The following SPATA13 variants were observed in gnomAD, a reference collection of about 807,000 sequenced individuals.
The protein encoded by SPATA13 is spermatogenesis associated 13.
SPATA13 carries 50 observed loss-of-function variants against 104.0 expected under a neutral mutation model. The observed-to-expected ratio is 0.48, with a 90% CI of 0.38 to 0.61. The LOEUF (loss-of-function observed/expected upper bound fraction) is 0.61. Ranked by LOEUF, SPATA13 falls within the 20% of genes least tolerant of loss-of-function variation. The probability of loss-of-function intolerance (pLI) is 0.00; values close to 1 mark genes in which losing one functional copy is unlikely to be tolerated. For synonymous variants in SPATA13, 606 were observed against 667.5 expected (o/e 0.91, Z 1.42); for missense variants, 1,524 against 1,690.6 (o/e 0.90, Z 1.73).
At chr13:24,022,653 T>G (rs9507214) in intron 3 of SPATA13, among the ~76,000 whole-genome samples, 120,649 of 152,108 alleles carry the variant, frequency 0.79, 48,575 homozygotes, top group Middle Eastern at 0.87. Flanking sequence ...AAGAATTTTT[T>G]GGGGCTAAAA....
chr13:24,233,895 AC>A (rs1872423689), intron 2 of SPATA13, among the ~76,000 whole-genome samples: 1 of 76,766 alleles, frequency 1.3e-5, no homozygotes. Context: ...AAACACACAC[AC>A]ACACACACAC....
rs1377009818 is a variant in SPATA13, at chr13:24,284,290, A to G, written c.2301+19A>G. ...CAATGAGGTACTGGAATTCCACACG[A>G]CAGTAGTGGATACGGGATACCTGAT... On this transcript the variant is annotated intron_variant, in intron 5 of 12. Coordinates refer to ENST00000382108, the MANE Select transcript of SPATA13 (RefSeq NM_001166271.3). The G allele has an allele frequency of 6.2e-7, 1 of 1,609,802 alleles. No homozygotes were observed. Among genetic ancestry groups the G allele is most frequent in the Admixed American group, 1.7e-5 (1 of 59,748 alleles).
chr13:24,237,293 G>A (rs190959274), intron 2 of SPATA13, among the ~76,000 whole-genome samples: 1 of 152,296 alleles, frequency 6.6e-6, no homozygotes, highest in East Asian at 1.9e-4. Flanking sequence ...AACCCAGGGG[G>A]TGGAGGTTGC....
intron 3 of SPATA13, among the ~76,000 whole-genome samples, chr13:24,055,532 T>C (rs1441955959): frequency 6.6e-6 from 1 of 152,196 alleles, no homozygotes; most frequent in African/African-American, 2.4e-5. Context: ...TTAGTAACCA[T>C]GCATTCACTG....
intron 7 of SPATA13, among the ~76,000 whole-genome samples, chr13:24,287,981 C>T (rs569342829): frequency 2.0e-5 from 3 of 152,210 alleles, no homozygotes; most frequent in South Asian, 2.1e-4. Context: ...GTTCTCTAAT[C>T]GGATTAGCCA....
intron 4 of SPATA13, chr13:24,270,909 T>C (rs1009408118): frequency 6.2e-7 from 1 of 1,608,326 alleles, no homozygotes; most frequent in East Asian, 2.2e-5. Flanking sequence ...AAGCCTTCAC[T>C]TGGGTATGTG....
chr13:24,198,404 C>T (rs1870209374), intron 1 of SPATA13, among the ~76,000 whole-genome samples: 1 of 152,154 alleles, frequency 6.6e-6, no homozygotes, highest in South Asian at 2.1e-4. Context: ...AGCAGCAAGC[C>T]TATTTCAGGT....
chr13:24,294,831 A>G lies in SPATA13; in HGVS notation c.3173A>G (p.Lys1058Arg), dbSNP rs762424477. ...ERKRKLESIDKIARWQVSIVG... is the reference protein window; with the variant it reads ...ERKRKLESIDRIARWQVSIVG... ...AAGCGCAAGCTGGAGAGCATCGACA[A>G]GATAGCTCGCTGGCAGGTGTCTATC... Residue 1058 changes from lysine (K) to arginine (R), a missense_variant, in exon 10 of 13, where the codon AAG (lysine) becomes AGG (arginine). By Grantham distance (26) the Lys-to-Arg change is conservative (BLOSUM62 2). This residue lies in a region of SPATA13 where 435 missense variants were observed against 554.8 expected (regional missense o/e 0.78). Transcript: ENST00000382108. 3.5e-5 allele frequency: 56 copies of G among 1,610,914 alleles called. No individual in the cohort carries two copies. In the Admixed American group the frequency reaches 8.3e-4, roughly 24 times the overall value.
chr13:24,070,167 A>G (rs1055841022), intron 3 of SPATA13, among the ~76,000 whole-genome samples: 1 of 152,248 alleles, frequency 6.6e-6, no homozygotes, highest in African/African-American at 2.4e-5. Context: ...AAACGGTTCC[A>G]GTGTCAGAGT....
chr13:24,288,436 T>A (rs755127405), intron 7 of SPATA13, among the ~76,000 whole-genome samples: 3 of 152,212 alleles, frequency 2.0e-5, no homozygotes, highest in Non-Finnish European at 2.9e-5. Flanking sequence ...TTTCTTCTTA[T>A]CCCACTAGCT....
chr13:24,287,638 G>C (rs561868152), intron 7 of SPATA13, among the ~76,000 whole-genome samples: 1 of 152,298 alleles, frequency 6.6e-6, no homozygotes, highest in African/African-American at 2.4e-5. Flanking sequence ...GAGATCCTGA[G>C]TCATTTAGAC....
rs867029652 is a variant in SPATA13, at chr13:24,249,526, G to A, written c.1703G>A (p.Arg568Lys). The change falls in exon 3 of 13, where the codon AGG becomes AAG. Residue 568 changes from arginine (R) to lysine (K), a missense_variant. This residue lies in a region of SPATA13 where 1,089 missense variants were observed against 1,135.9 expected (regional missense o/e 0.96). Coordinates refer to ENST00000382108, the MANE Select transcript of SPATA13 (RefSeq NM_001166271.3). ...CGAAGCTCATCACAGGATGAGGAAA[G>A]GACAGAGGCACAGAGAACCCCCAAG... is the stretch of plus-strand genomic sequence containing the variant. ...WRRSSSQDEE[R>K]TEAQRTPKRR... The A allele has an allele frequency of 6.2e-7, 1 of 1,607,946 alleles. No homozygotes were observed. The highest frequency in any genetic ancestry group is 8.5e-7 in the Non-Finnish European group (1 of 1,176,960).
chr13:24,249,439 T>G, intron 2 of SPATA13, 38 bp from the exon 3 acceptor site: 1 of 1,475,398 alleles, frequency 6.8e-7, no homozygotes, highest in Non-Finnish European at 9.0e-7. Context: ...AATACCTTCC[T>G]GGATATTGAG....
At chr13:24,119,072 A>AT (rs1019966284) in intron 3 of SPATA13, among the ~76,000 whole-genome samples, 6 of 151,450 alleles carry the variant, frequency 4.0e-5, no homozygotes, top group African/African-American at 4.9e-5. Flanking sequence ...CTCCCTGCTA[A>AT]TTTTTTTTGT....
At chr13:24,068,932 T>C (rs555555370) in intron 3 of SPATA13, among the ~76,000 whole-genome samples, 16 of 152,332 alleles carry the variant, frequency 1.1e-4, no homozygotes, top group African/African-American at 3.8e-4. Flanking sequence ...TGCATATTTG[T>C]GAATATTTTC....
At chr13:24,037,440 C>G (rs1877735201) in intron 3 of SPATA13, among the ~76,000 whole-genome samples, 3 of 152,002 alleles carry the variant, frequency 2.0e-5, no homozygotes, top group Admixed American at 2.0e-4. Context: ...TAGAGTCTCG[C>G]TCTGTTGCCC....
In SPATA13 at chr13:24,051,541, G is replaced by A. The variant is rs941466811; in HGVS notation, c.-112+33840G>A. On this transcript the variant is annotated intron_variant, in intron 3 of 14. Coordinates refer to the SPATA13 transcript ENST00000424834. The surrounding 1 kb of genome is among the most constrained non-coding windows in gnomAD (Gnocchi z 4.2). ...TAGGGGAGGAGATTATGCCCAGTGG[G>A]TGGTCCATAGAAGGAAGCCAGGGAG... Among the ~76,000 whole-genome samples the A allele has an allele frequency of 8.5e-5, 13 of 152,176 alleles. No individual in the cohort carries two copies. Among genetic ancestry groups the A allele is most frequent in the African/African-American group, 2.9e-4 (12 of 41,444 alleles).
At chr13:24,089,024 C>T (rs763468082) in intron 3 of SPATA13, among the ~76,000 whole-genome samples, 4 of 152,178 alleles carry the variant, frequency 2.6e-5, no homozygotes, top group Admixed American at 6.5e-5. Flanking sequence ...GGATGGGACA[C>T]GTTCACAGGT....
chr13:24,116,921 T>C (rs1191280724), intron 3 of SPATA13, among the ~76,000 whole-genome samples: 2 of 152,178 alleles, frequency 1.3e-5, no homozygotes, highest in Non-Finnish European at 2.9e-5. Flanking sequence ...CTCTGCAATG[T>C]GAGGACACAG....
Sources: allele counts gnomAD v4.1 joint callset (sites outside exome capture counted in the v4.1 genomes callset), GRCh38; gene constraint gnomAD v4.1.1; regional missense constraint gnomAD v4.1.1; non-coding constraint Gnocchi (gnomAD v3.1); transcripts MANE v1.5; gene names NCBI Gene and HGNC (gene_info 2026-07-23, HGNC 2026-07-21).